CHL1: variants seen among roughly 807,000 people sequenced by gnomAD.
CHL1 encodes cell adhesion molecule L1 like.
In CHL1, 96 loss-of-function variants were observed where a neutral mutation model predicts 141.9. The observed-to-expected ratio is 0.68, with a 90% CI of 0.57 to 0.80. The LOEUF (loss-of-function observed/expected upper bound fraction) is 0.80. CHL1 is among the 30% of genes least tolerant of loss of function. The pLI is 0.00. For missense variants in CHL1, 1,820 were observed against 1,457.2 expected (o/e 1.25, Z -4.05); for synonymous variants, 613 against 502.2 (o/e 1.22, Z -2.95).
chr3:274,138 G>A (rs1021620037), intron 2 of CHL1, among the ~76,000 whole-genome samples: 1 of 152,056 alleles, frequency 6.6e-6, no homozygotes, highest in African/African-American at 2.4e-5. Flanking sequence ...CTCATTTGTC[G>A]TGTTCACTAC....
chr3:220,633 A>G (rs1574745429), intron 1 of CHL1, among the ~76,000 whole-genome samples: 1 of 152,172 alleles, frequency 6.6e-6, no homozygotes, highest in African/African-American at 2.4e-5. Context: ...GAATGCTATA[A>G]TTGCACCTGT....
At chr3:381,880 A>C (rs1453960863) in intron 16 of CHL1, among the ~76,000 whole-genome samples, 1 of 152,158 alleles carries the variant, frequency 6.6e-6, no homozygotes, top group Non-Finnish European at 1.5e-5. Context: ...TGTTATCTTC[A>C]GTTTCTATAG....
At chr3:332,778 T>C (rs1392894053) in intron 5 of CHL1, among the ~76,000 whole-genome samples, 1 of 152,120 alleles carries the variant, frequency 6.6e-6, no homozygotes, top group Non-Finnish European at 1.5e-5. Context: ...AACTGTATAT[T>C]ACATTTATAT....
intron 9 of CHL1, among the ~76,000 whole-genome samples, chr3:345,930 T>C (rs953593935): frequency 2.0e-5 from 3 of 152,190 alleles, no homozygotes; most frequent in Non-Finnish European, 2.9e-5. Flanking sequence ...GTCTCCTATT[T>C]TTACCACTAT....
chr3:297,700 T>C (rs1698321477), intron 2 of CHL1, among the ~76,000 whole-genome samples: 2 of 152,362 alleles, frequency 1.3e-5, no homozygotes, highest in South Asian at 2.1e-4. Context: ...TGGCTGCTAC[T>C]TCTCTCTGGG....
chr3:268,525 A>G (rs1383891098), intron 2 of CHL1, among the ~76,000 whole-genome samples: 10 of 152,014 alleles, frequency 6.6e-5, no homozygotes, highest in Non-Finnish European at 1.5e-4. Context: ...ACAGAGCGGG[A>G]CCCCATCTAA....
chr3:225,490 C>T (rs746683559), intron 1 of CHL1, among the ~76,000 whole-genome samples: 1 of 152,182 alleles, frequency 6.6e-6, no homozygotes, highest in Non-Finnish European at 1.5e-5. Flanking sequence ...TTTCCTCAAG[C>T]ACGAGAATAG....
At chr3:284,955 T>G (rs1004788382) in intron 2 of CHL1, among the ~76,000 whole-genome samples, 3 of 152,226 alleles carry the variant, frequency 2.0e-5, no homozygotes, top group African/African-American at 7.2e-5. Flanking sequence ...TAATGTATTC[T>G]GCATTTTTAT....
intron 1 of CHL1, among the ~76,000 whole-genome samples, chr3:199,384 G>A (rs1027707117): frequency 2.6e-5 from 4 of 152,174 alleles, no homozygotes; most frequent in Non-Finnish European, 5.9e-5. Flanking sequence ...ATTGTTATCT[G>A]TTGCATGTAG....
intron 1 of CHL1, among the ~76,000 whole-genome samples, chr3:221,457 T>G (rs1320176990): frequency 5.3e-5 from 8 of 152,244 alleles, no homozygotes; most frequent in African/African-American, 1.4e-4. Flanking sequence ...TTAGAGTGTT[T>G]ATGTGTAGCA....
rs116195190 is a variant in CHL1, at chr3:381,453, C to T, written c.1877-726C>T. 3.3e-3 allele frequency among the ~76,000 whole-genome samples: 497 copies of T among 152,234 alleles called. 3 individuals are homozygous for T. The highest frequency in any genetic ancestry group is 0.011 in the African/African-American group (468 of 41,536). Reference sequence around the variant, plus strand: ...CAGCTCATGCTTAAGTCCCAACCTCCCCAGTGGCTTGCAGGTGAAGGTATT... The same window carrying T: ...CAGCTCATGCTTAAGTCCCAACCTCTCCAGTGGCTTGCAGGTGAAGGTATT... On this transcript the variant is annotated intron_variant, in intron 16 of 27. Transcript: ENST00000256509.
At chr3:396,144 A>G (rs541926733) in intron 24 of CHL1, among the ~76,000 whole-genome samples, 19 of 152,306 alleles carry the variant, frequency 1.2e-4, no homozygotes, top group African/African-American at 4.6e-4. Flanking sequence ...ATTCCCAGGG[A>G]TGAATTGAAC....
intron 27 of CHL1, among the ~76,000 whole-genome samples, chr3:404,924 C>T (rs556705495): frequency 1.3e-5 from 2 of 152,266 alleles, no homozygotes; most frequent in African/African-American, 4.8e-5. Context: ...GAGCAAAGTG[C>T]CAGCATTTTC....
intron 24 of CHL1, among the ~76,000 whole-genome samples, chr3:396,405 C>A (rs970411141): frequency 2.6e-5 from 4 of 152,096 alleles, no homozygotes; most frequent in African/African-American, 9.7e-5. Flanking sequence ...CCATAATGTG[C>A]ATGTGAAATG....
At position 328,160 on chromosome 3, in the gene CHL1, G is replaced by A. The variant is rs542114928; in HGVS notation, c.198-7G>A. On this transcript the variant is annotated splice_polypyrimidine_tract_variant and splice_region_variant and intron_variant, in intron 4 of 27. Coordinates refer to ENST00000256509, the MANE Select transcript of CHL1 (RefSeq NM_006614.4). ...TCAGGATTATTAAGTTCAGTTTTAT[G>A]TTTTAGATTTTCGTGGACTAAGGAT... The A allele has an allele frequency of 1.4e-5, 23 of 1,599,486 alleles. No homozygotes were observed. The African/African-American group carries it at 2.3e-4, about 16-fold the overall frequency.
At chr3:392,848 T>G (rs191288934) in intron 23 of CHL1, among the ~76,000 whole-genome samples, 2 of 152,246 alleles carry the variant, frequency 1.3e-5, no homozygotes, top group Non-Finnish European at 1.5e-5. Context: ...TTTTACGTGC[T>G]TGCTAAGTAG....
chr3:332,529 T>A (rs1396271431), intron 5 of CHL1, among the ~76,000 whole-genome samples: 1 of 152,184 alleles, frequency 6.6e-6, no homozygotes, highest in Non-Finnish European at 1.5e-5. Context: ...TCTTTGTGTT[T>A]TTTTTACATT....
chr3:358,313 A>G (rs901141485), intron 11 of CHL1, among the ~76,000 whole-genome samples: 2 of 152,196 alleles, frequency 1.3e-5, no homozygotes, highest in Non-Finnish European at 1.5e-5. Flanking sequence ...CCATCCTTCC[A>G]TGGTCACATT....
chr3:218,014 G>A (rs1280922559), intron 1 of CHL1, among the ~76,000 whole-genome samples: 1 of 152,152 alleles, frequency 6.6e-6, no homozygotes, highest in African/African-American at 2.4e-5. Context: ...CTTCTATTAA[G>A]ATGATATGGG....
Sources: allele counts gnomAD v4.1 joint callset (sites outside exome capture counted in the v4.1 genomes callset), GRCh38; gene constraint gnomAD v4.1.1; transcripts MANE v1.5; gene names NCBI Gene and HGNC (gene_info 2026-07-23, HGNC 2026-07-21).